Variants in LPP observed in about 807,000 individuals in gnomAD.
The protein encoded by LPP is LIM domain containing preferred translocation partner in lipoma.
In LPP, 38 loss-of-function variants were observed where a neutral mutation model predicts 60.4. That is an observed-to-expected ratio of 0.63 (90% CI 0.49 to 0.83). The LOEUF (loss-of-function observed/expected upper bound fraction) is 0.83, where lower values mean the gene tolerates loss of function less well. Among genes scored for constraint, LPP ranks in the 40% least tolerant of loss-of-function variants. The probability of loss-of-function intolerance (pLI) is 0.00; values close to 1 mark genes in which losing one functional copy is unlikely to be tolerated. For synonymous variants in LPP, 328 were observed against 290.8 expected, an observed-to-expected ratio of 1.13 and a Z score of -1.30; for missense variants, 902 against 783.6, an observed-to-expected ratio of 1.15 and a Z score of -1.80.
chr3:188,462,242 T>C (rs1041970025), intron 4 of LPP, among the ~76,000 whole-genome samples: 1 of 151,468 alleles, frequency 6.6e-6, no homozygotes, highest in Non-Finnish European at 1.5e-5. Context: ...ATTATTATTA[T>C]TATTATTATT....
At chr3:188,396,137 T>A (rs1780898193) in intron 3 of LPP, among the ~76,000 whole-genome samples, 1 of 152,186 alleles carries the variant, frequency 6.6e-6, no homozygotes, top group East Asian at 1.9e-4. Context: ...TTATGTGGCC[T>A]GAATCAACAT....
At chr3:188,503,703 C>G (rs1447532415) in intron 5 of LPP, among the ~76,000 whole-genome samples, 1 of 151,124 alleles carries the variant, frequency 6.6e-6, no homozygotes, top group Non-Finnish European at 1.5e-5. Context: ...AAAATTTTGC[C>G]AGATGTAGGA....
At chr3:188,590,791 G>C (rs775522683) in intron 6 of LPP, among the ~76,000 whole-genome samples, 1 of 152,114 alleles carries the variant, frequency 6.6e-6, no homozygotes, top group Non-Finnish European at 1.5e-5. Flanking sequence ...GTGTTGCTAG[G>C]TCTCTGGAAT....
At chr3:188,335,373 C>A (rs137968511) in intron 2 of LPP, among the ~76,000 whole-genome samples, 1 of 152,274 alleles carries the variant, frequency 6.6e-6, no homozygotes, top group East Asian at 1.9e-4. Flanking sequence ...TTGTATCCCT[C>A]GGATAAATAC....
Position 188,888,893 on chromosome 3 carries a change from A to G in LPP, c.*14414A>G, listed in dbSNP as rs1329899705. The G allele has an allele frequency of 4.5e-6, 1 of 220,132 alleles. No individual in the cohort carries two copies. Among genetic ancestry groups the G allele is most frequent in the Admixed American group, 5.8e-5 (1 of 17,354 alleles). 13.6% of individuals were successfully genotyped at this position (220,132 alleles called of 1,614,324 possible). On this transcript the variant is annotated 3_prime_UTR_variant, in exon 12 of 12. Coordinates refer to ENST00000617246, the MANE Select transcript of LPP (RefSeq NM_001375462.1). ...CCTACTGGATGGTAGCATATTGCTA[A>G]GGTTTCCTGTACTCTGCTTCAAGGG...
At chr3:188,364,163 A>G (rs993826112) in intron 3 of LPP, among the ~76,000 whole-genome samples, 32 of 152,198 alleles carry the variant, frequency 2.1e-4, no homozygotes, top group Admixed American at 4.6e-4. Context: ...AAAATGTTTA[A>G]GGCCCTGCCC....
chr3:188,870,818 T>C (rs948008608), intron 10 of LPP, among the ~76,000 whole-genome samples: 15 of 152,208 alleles, frequency 9.9e-5, no homozygotes, highest in Admixed American at 7.9e-4. Flanking sequence ...TTTCTCATTA[T>C]GGAAATGAGG....
chr3:188,795,473 G>A (rs1215155461), intron 9 of LPP, among the ~76,000 whole-genome samples: 3 of 152,198 alleles, frequency 2.0e-5, no homozygotes, highest in African/African-American at 7.2e-5. Flanking sequence ...ATTAAAATTA[G>A]AAGAGAGTAT....
chr3:188,328,658 G>A (rs530594379), intron 2 of LPP, among the ~76,000 whole-genome samples: 1 of 152,242 alleles, frequency 6.6e-6, no homozygotes, highest in East Asian at 1.9e-4. Context: ...CGATTGGTTA[G>A]CAGCTGTCAA....
At chr3:188,825,305 G>GTA (rs1755164614) in intron 9 of LPP, among the ~76,000 whole-genome samples, 1 of 149,790 alleles carries the variant, frequency 6.7e-6, no homozygotes, top group Non-Finnish European at 1.5e-5. Context: ...GTGTGTGTGT[G>GTA]TGTGTGTGTG....
intron 2 of LPP, 113 bp downstream of exon 2, chr3:188,225,640 A>T (rs1717453674): frequency 6.6e-6 from 1 of 152,246 alleles, no homozygotes; most frequent in South Asian, 2.1e-4. Context: ...AGTAACTAGG[A>T]TGCATTAAGA....
rs1307662191 is a variant in LPP, at chr3:188,441,624, T to C, written c.193+35311T>C. Among the ~76,000 whole-genome samples, 82 of 107,396 alleles carry C rather than the reference T, an allele frequency of 7.6e-4. 3 individuals carry two copies. Among genetic ancestry groups the C allele is most frequent in the African/African-American group, 2.8e-3 (71 of 25,090 alleles). The allele number at this position is 107,396 out of a possible 152,430, so 70.5% of individuals were successfully genotyped here. A position where few individuals can be genotyped will look rare whatever the true frequency, so the allele number is the denominator to read the frequency against. On this transcript the variant is annotated intron_variant, in intron 4 of 11. Coordinates refer to ENST00000617246, the MANE Select transcript of LPP (RefSeq NM_001375462.1). ...CTTTTCTTTTCTTTTTTTTTTTTTT[T>C]TTTTTTTTTTTTTTGAGATGGAGTC...
intron 9 of LPP, among the ~76,000 whole-genome samples, chr3:188,808,120 A>G (rs1749736165): frequency 6.6e-6 from 1 of 152,016 alleles, no homozygotes; most frequent in Non-Finnish European, 1.5e-5. Context: ...CAGATTTCAA[A>G]TATCTCTAAT....
At position 188,456,748 on chromosome 3, in the gene LPP, C is replaced by T. The variant is rs557228606; in HGVS notation, c.194-27844C>T. 5.3e-5 allele frequency among the ~76,000 whole-genome samples: 8 copies of T among 152,312 alleles called. No homozygotes were observed. In the South Asian group the frequency reaches 1.2e-3, roughly 24 times the overall value. ...CAAATGGAGCTGAGGCATTAGAAAA[C>T]GCCTGTCGATTTTTAAGAAAAGGAG... On this transcript the variant is annotated intron_variant, in intron 4 of 11. Coordinates refer to ENST00000617246, the MANE Select transcript of LPP (RefSeq NM_001375462.1).
At chr3:188,372,677 T>G (rs1560313044) in intron 3 of LPP, among the ~76,000 whole-genome samples, 2 of 151,840 alleles carry the variant, frequency 1.3e-5, no homozygotes, top group Admixed American at 1.3e-4. Context: ...GAGTAAATAT[T>G]ATGTTGGCTT....
intron 3 of LPP, among the ~76,000 whole-genome samples, chr3:188,404,577 C>A (rs913833519): frequency 6.6e-6 from 1 of 152,048 alleles, no homozygotes; most frequent in Non-Finnish European, 1.5e-5. Flanking sequence ...ATCTGAGGCT[C>A]TAGAGGCGAT....
At chr3:188,410,109 T>C (rs1285761607) in intron 4 of LPP, among the ~76,000 whole-genome samples, 2 of 152,214 alleles carry the variant, frequency 1.3e-5, no homozygotes, top group Non-Finnish European at 2.9e-5. Flanking sequence ...AGGGGCTGCC[T>C]GACTCATGCC....
At chr3:188,226,972 C>T (rs1381720712) in intron 2 of LPP, among the ~76,000 whole-genome samples, 2 of 151,982 alleles carry the variant, frequency 1.3e-5, no homozygotes, top group Non-Finnish European at 2.9e-5. Flanking sequence ...GGAATATATT[C>T]CCCCTAGCAT....
intron 3 of LPP, among the ~76,000 whole-genome samples, chr3:188,376,723 T>C (rs1775216400): frequency 1.3e-5 from 2 of 152,208 alleles, no homozygotes; most frequent in Admixed American, 1.3e-4. Context: ...TTAATATTGT[T>C]ATGTGTGAAT....
Sources: gnomAD v4.1 joint callset for allele counts (sites outside exome capture counted in the v4.1 genomes callset) on GRCh38, gnomAD v4.1.1 for gene constraint, MANE v1.5 for transcripts, NCBI Gene and HGNC (gene_info 2026-07-23, HGNC 2026-07-21) for gene names.